Variants in EDN3 observed in about 807,000 individuals in gnomAD.
EDN3 encodes the protein endothelin 3.
EDN3 carries 9 observed loss-of-function variants against 21.4 expected under a neutral mutation model. That is an observed-to-expected ratio of 0.42 (90% CI 0.25 to 0.73). The LOEUF (loss-of-function observed/expected upper bound fraction) is 0.73, where lower values mean the gene tolerates loss of function less well. Ranked by LOEUF, EDN3 falls within the 30% of genes least tolerant of loss-of-function variation. EDN3 has a pLI of 0.26. For missense variants in EDN3, 327 were observed against 309.4 expected, an observed-to-expected ratio of 1.06 and a Z score of -0.43; for synonymous variants, 133 against 126.2, an observed-to-expected ratio of 1.05 and a Z score of -0.36.
rs1176729498 is a variant in EDN3 at position 59,321,241 on chromosome 20, C to A, written c.542+48C>A. The A allele has an allele frequency of 1.9e-6, 3 of 1,600,706 alleles. No individual in the cohort carries two copies. The African/African-American group carries it at 4.0e-5, about 21-fold the overall frequency. ...ACTCATTTGCAGATATGCATCAACCCTCGGCAAGGCCAGGCCAGGGGCTTC... is the reference window on the plus strand; with the variant it reads ...ACTCATTTGCAGATATGCATCAACCATCGGCAAGGCCAGGCCAGGGGCTTC... On this transcript the variant is annotated intron_variant, in intron 3 of 4. Transcript: ENST00000337938.
In EDN3 at chr20:59,304,851, G is replaced by A. The variant is rs113648709; in HGVS notation, c.365+3129G>A. On this transcript the variant is annotated intron_variant, in intron 2 of 4. Coordinates refer to ENST00000337938, the MANE Select transcript of EDN3 (RefSeq NM_207034.3). Reference sequence around the variant, plus strand: ...AGTCCTTCCAGACCCGAGCTTGGTCGGCCCTTTCTGTTAGCACCCAGCATG... The same window carrying A: ...AGTCCTTCCAGACCCGAGCTTGGTCAGCCCTTTCTGTTAGCACCCAGCATG... Among the ~76,000 whole-genome samples, 382 of 152,202 alleles carry A rather than the reference G, an allele frequency of 2.5e-3. 3 individuals carry two copies. In the Middle Eastern group the frequency reaches 0.027, roughly 11 times the overall value.
chr20:59,313,433 T>A (rs149254888), intron 2 of EDN3, among the ~76,000 whole-genome samples: 48 of 152,320 alleles, frequency 3.2e-4, no homozygotes, highest in African/African-American at 1.1e-3. Flanking sequence ...TGGTAGGGGA[T>A]AATGCTCAGT....
intron 2 of EDN3, among the ~76,000 whole-genome samples, chr20:59,303,277 T>G (rs1989172201): frequency 6.6e-6 from 1 of 152,112 alleles, no homozygotes; most frequent in Non-Finnish European, 1.5e-5. Flanking sequence ...TTCTTTCCCT[T>G]TGTGGGGAAG....
In EDN3 at chr20:59,300,708, C is replaced by G. The variant is rs866076735; in HGVS notation, c.-105C>G. ...AGCGAGCGATCGGCCGGCCTCGAAC[C>G]CCCACAGCTGGAGGGCGAGGCCAGC... On this transcript the variant is annotated 5_prime_UTR_variant, in exon 1 of 5. Coordinates refer to ENST00000337938, the MANE Select transcript of EDN3 (RefSeq NM_207034.3). The G allele has an allele frequency of 8.2e-7, 1 of 1,224,616 alleles. No homozygotes were observed. Among genetic ancestry groups the G allele is most frequent in the African/African-American group, 1.5e-5 (1 of 66,070 alleles). The allele number at this position is 1,224,616 out of a possible 1,614,324, so 75.9% of individuals were successfully genotyped here.
At chr20:59,317,792 C>T (rs1223779605) in intron 2 of EDN3, among the ~76,000 whole-genome samples, 1 of 152,184 alleles carries the variant, frequency 6.6e-6, no homozygotes, top group African/African-American at 2.4e-5. Flanking sequence ...AATCCTGTCT[C>T]GCCAGACTAG....
In EDN3 at chr20:59,322,052, C is replaced by T. The variant is rs1424723444; in HGVS notation, c.543-320C>T. ...AAGACACATAGGCAGGGGTGAGCTC[C>T]CAACACCCCAACAAGGCAGACGGTA... On this transcript the variant is annotated intron_variant, in intron 3 of 4. Coordinates refer to ENST00000337938, the MANE Select transcript of EDN3 (RefSeq NM_207034.3). This position sits in a 1 kb window ranked among gnomAD's most constrained non-coding sequence, Gnocchi z 4.1. 6.6e-6 allele frequency among the ~76,000 whole-genome samples: 1 copy of T among 152,124 alleles called. No homozygotes were observed. The highest frequency in any genetic ancestry group is 1.5e-5 in the Non-Finnish European group (1 of 68,022).
At chr20:59,318,821 T>C (rs919209504) in intron 2 of EDN3, among the ~76,000 whole-genome samples, 1 of 152,222 alleles carries the variant, frequency 6.6e-6, no homozygotes, top group Admixed American at 6.5e-5. Flanking sequence ...CATGTGCAAA[T>C]GCATAATCAG....
Position 59,322,574 on chromosome 20 carries a change from C to T in EDN3, c.588+157C>T, listed in dbSNP as rs1204638085. The stretch of plus-strand genomic sequence containing the variant: ...GATGCTGCACCCACAAGCAATGGTG[C>T]CTTTGGTGGACCGTTTCTGGGGGCA... On this transcript the variant is annotated intron_variant, in intron 4 of 4. Coordinates refer to ENST00000337938, the MANE Select transcript of EDN3 (RefSeq NM_207034.3). This position sits in a 1 kb window ranked among gnomAD's most constrained non-coding sequence, Gnocchi z 4.1. 5 of 1,022,580 alleles carry T rather than the reference C, an allele frequency of 4.9e-6. No homozygotes were observed. Among genetic ancestry groups the T allele is most frequent in the African/African-American group, 4.8e-5 (3 of 62,736 alleles). The allele number at this position is 1,022,580 out of a possible 1,614,324, so 63.3% of individuals were successfully genotyped here.
chr20:59,317,036 G>A (rs185356355), intron 2 of EDN3, among the ~76,000 whole-genome samples: 28 of 152,186 alleles, frequency 1.8e-4, no homozygotes, highest in African/African-American at 5.8e-4. Flanking sequence ...ATTATAGAGC[G>A]GTAGGCCCCA....
intron 1 of EDN3, among the ~76,000 whole-genome samples, chr20:59,301,200 A>G (rs1259745247): frequency 6.6e-6 from 1 of 152,252 alleles, no homozygotes; most frequent in Non-Finnish European, 1.5e-5. Flanking sequence ...AAGTATGCAA[A>G]ATGCATGCAA....
intron 2 of EDN3, among the ~76,000 whole-genome samples, chr20:59,304,998 T>C (rs1989302008): frequency 6.6e-6 from 1 of 152,188 alleles, no homozygotes; most frequent in Non-Finnish European, 1.5e-5. Context: ...ACAGGAGGCC[T>C]CTTTCTCCAG....
Position 59,305,591 on chromosome 20 carries a change from A to G in EDN3, c.365+3869A>G, listed in dbSNP as rs910695731. ...GGAGGATAAACAGAAGTTATGGGCA[A>G]TGTCCCTCCAGAGATATATATATGG... On this transcript the variant is annotated intron_variant, in intron 2 of 4. Coordinates refer to ENST00000337938, the MANE Select transcript of EDN3 (RefSeq NM_207034.3). This position sits in a 1 kb window ranked among gnomAD's most constrained non-coding sequence, Gnocchi z 4.2. Among the ~76,000 whole-genome samples, 1 of 152,210 alleles carries G rather than the reference A, an allele frequency of 6.6e-6. No homozygotes were observed. The highest frequency in any genetic ancestry group is 2.4e-5 in the African/African-American group (1 of 41,458).
At position 59,324,296 on chromosome 20, in the gene EDN3, CT is replaced by C. The variant is rs200182949; in HGVS notation, c.589-26del. On this transcript the variant is annotated intron_variant, in intron 4 of 4. Transcript: ENST00000337938. ...AGCTACACTTTCATAACATACCTTT[CT>C]TTTTTTTTCTTTTGCCCCCTTTCCC... The C allele has an allele frequency of 1.0e-5, 16 of 1,603,046 alleles. No homozygotes were observed. The Admixed American group carries it at 1.7e-4, about 17-fold the overall frequency.
rs1159128109 is a variant in EDN3, at chr20:59,324,338, T to A, written c.596T>A (p.Val199Asp). 6.2e-7 allele frequency: 1 copy of A among 1,614,004 alleles called. No homozygotes were observed. Among genetic ancestry groups the A allele is most frequent in the Admixed American group, 1.7e-5 (1 of 60,004 alleles). Residue 199 changes from valine to aspartate, a missense_variant, in exon 5 of 5, where the codon GTC (valine) becomes GAC (aspartate). Transcript: ENST00000337938. ...TDKEEEGKVE[V>D]KDQQSKQALD... is the part of the protein sequence containing the mutation. ...CCCCTTTCCCCAAGACAGGTTGAAG[T>A]CAAGGACCAACAAAGCAAGCAGGCT...
At chr20:59,301,008 G>A in intron 1 of EDN3, 144 bp downstream of exon 1, 1 of 1,011,988 alleles carries the variant, frequency 9.9e-7, no homozygotes, top group Non-Finnish European at 1.4e-6. Context: ...GCCTGGGGGA[G>A]GGCTGGGGAG....
At chr20:59,310,471 A>G (rs1319404396) in intron 2 of EDN3, among the ~76,000 whole-genome samples, 1 of 152,126 alleles carries the variant, frequency 6.6e-6, no homozygotes, top group Non-Finnish European at 1.5e-5. Flanking sequence ...ATCCTGGCTC[A>G]CCCACCAAAC....
chr20:59,310,098 C>A (rs1331363890), intron 2 of EDN3, among the ~76,000 whole-genome samples: 1 of 152,122 alleles, frequency 6.6e-6, no homozygotes, highest in African/African-American at 2.4e-5. Context: ...TTTGTTCCTG[C>A]AAGAATTTAA....
At chr20:59,311,670 T>C (rs1989823277) in intron 2 of EDN3, among the ~76,000 whole-genome samples, 1 of 151,756 alleles carries the variant, frequency 6.6e-6, no homozygotes, top group Non-Finnish European at 1.5e-5. Flanking sequence ...TTTTTTTTTT[T>C]CCACGTCCTG....
chr20:59,321,315 C>A, intron 3 of EDN3, 122 bp downstream of exon 3: 1 of 1,190,906 alleles, frequency 8.4e-7, no homozygotes, highest in Non-Finnish European at 1.2e-6. Flanking sequence ...CTACTGTCGT[C>A]CTGTGGGCCA....
Sources: allele counts gnomAD v4.1 joint callset (sites outside exome capture counted in the v4.1 genomes callset), GRCh38; gene constraint gnomAD v4.1.1; non-coding constraint Gnocchi (gnomAD v3.1); transcripts MANE v1.5; gene names NCBI Gene and HGNC (gene_info 2026-07-23, HGNC 2026-07-21).